GNAO1: variants seen among roughly 807,000 people sequenced by gnomAD.
GNAO1 encodes the protein guanine nucleotide-binding protein G(o) subunit alpha.
For missense variants in GNAO1, 166 were observed against 478.7 expected, an observed-to-expected ratio of 0.35 and a Z score of 6.10; for synonymous variants, 164 against 180.7, an observed-to-expected ratio of 0.91 and a Z score of 0.74.
Position 56,347,952 on chromosome 16 carries a change from GCACCCCCCTCCC to G in GNAO1, c.724-3430_724-3419del, listed in dbSNP as rs1211525652. 5.5e-6 allele frequency: 5 copies of G among 903,628 alleles called. No individual in the cohort carries two copies. In the African/African-American group the frequency reaches 9.0e-5, roughly 16 times the overall value. 56.0% of individuals were successfully genotyped at this position (903,628 alleles called of 1,614,324 possible). On this transcript the variant is annotated intron_variant, in intron 6 of 8. Coordinates refer to ENST00000262493, the MANE Select transcript of GNAO1 (RefSeq NM_020988.3). ...TGCTGAGTATCTTCTTCCTCCCCAC[GCACCCCCCTCCC>G]CCATCTAGGCGAGGTGGGCTCGGGC...
chr16:56,324,996 A>C (rs1168560779), intron 3 of GNAO1, among the ~76,000 whole-genome samples: 5 of 152,240 alleles, frequency 3.3e-5, no homozygotes, highest in Non-Finnish European at 7.3e-5. Flanking sequence ...GTTGGCGACA[A>C]AACTTCCAGA....
chr16:56,295,785 C>T (rs905076914), intron 3 of GNAO1, among the ~76,000 whole-genome samples: 1 of 152,374 alleles, frequency 6.6e-6, no homozygotes, highest in South Asian at 2.1e-4. Context: ...ATATTCCACC[C>T]TGTTTGCCGC....
intron 2 of GNAO1, among the ~76,000 whole-genome samples, chr16:56,201,784 T>C (rs1482413613): frequency 6.6e-6 from 1 of 152,192 alleles, no homozygotes; most frequent in Non-Finnish European, 1.5e-5. Flanking sequence ...TGGTTTGGGC[T>C]ACTGGTGGAT....
chr16:56,343,025 G>A (rs1217011299), intron 6 of GNAO1, among the ~76,000 whole-genome samples: 1 of 151,814 alleles, frequency 6.6e-6, no homozygotes, highest in East Asian at 1.9e-4. Flanking sequence ...TTGAACCTGG[G>A]AGTCGGAGGT....
intron 2 of GNAO1, among the ~76,000 whole-genome samples, chr16:56,275,465 G>C (rs2037053477): frequency 6.6e-6 from 1 of 152,192 alleles, no homozygotes; most frequent in Non-Finnish European, 1.5e-5. Flanking sequence ...TTTGTCTTAA[G>C]TGAATCATTT....
At chr16:56,230,016 CA>C (rs2036573476) in intron 2 of GNAO1, among the ~76,000 whole-genome samples, 2 of 152,058 alleles carry the variant, frequency 1.3e-5, no homozygotes, top group African/African-American at 4.8e-5. Flanking sequence ...TTTAAAAATC[CA>C]TGTGAATTTC....
intron 3 of GNAO1, among the ~76,000 whole-genome samples, chr16:56,285,653 G>A (rs758802785): frequency 3.9e-5 from 6 of 152,244 alleles, no homozygotes; most frequent in Admixed American, 6.5e-5. Context: ...TCACAAAATC[G>A]TGTTGTATTT....
intron 6 of GNAO1, chr16:56,344,029 C>G (rs925814714): frequency 3.9e-5 from 61 of 1,573,620 alleles, no homozygotes; most frequent in Admixed American, 5.2e-5. Flanking sequence ...CCACCACTCT[C>G]AGACCACTCT....
chr16:56,306,510 C>A (rs1372313266), intron 3 of GNAO1, among the ~76,000 whole-genome samples: 1 of 152,190 alleles, frequency 6.6e-6, no homozygotes, highest in East Asian at 1.9e-4. Flanking sequence ...GTCCCCAAGA[C>A]CCCTGAGATC....
intron 2 of GNAO1, among the ~76,000 whole-genome samples, chr16:56,243,876 T>C (rs1443378638): frequency 2.0e-5 from 3 of 152,230 alleles, no homozygotes; most frequent in Admixed American, 1.3e-4. Flanking sequence ...TTACGTGCAT[T>C]AACTCATTTG....
At chr16:56,246,548 C>A (rs116987154) in intron 2 of GNAO1, among the ~76,000 whole-genome samples, 2,635 of 152,314 alleles carry the variant, frequency 0.017, 48 homozygotes, top group South Asian at 0.053. Context: ...GTAAACTTCG[C>A]AGCTGCAGCC....
chr16:56,247,282 C>G (rs1280275557), intron 2 of GNAO1, among the ~76,000 whole-genome samples: 1 of 152,172 alleles, frequency 6.6e-6, no homozygotes, highest in Non-Finnish European at 1.5e-5. Context: ...CCTGGAATAA[C>G]CCCACCCACA....
At chr16:56,292,732 G>A (rs1287168485) in intron 3 of GNAO1, among the ~76,000 whole-genome samples, 2 of 152,198 alleles carry the variant, frequency 1.3e-5, no homozygotes, top group East Asian at 1.9e-4. Context: ...TGAGCTGCAC[G>A]TTCAGCTCTG....
At chr16:56,303,071 G>A (rs1351161886) in intron 3 of GNAO1, among the ~76,000 whole-genome samples, 2 of 152,162 alleles carry the variant, frequency 1.3e-5, no homozygotes, top group African/African-American at 2.4e-5. Context: ...CCTGAAACGG[G>A]ACCTCCACGC....
chr16:56,194,478 C>T, intron 2 of GNAO1: 1 of 340,470 alleles, frequency 2.9e-6, no homozygotes, highest in Non-Finnish European at 5.8e-6. Flanking sequence ...TCAGGCGTTG[C>T]AAGTGGTGGA....
At chr16:56,339,501 G>T (rs1160208268) in intron 6 of GNAO1, among the ~76,000 whole-genome samples, 4 of 152,250 alleles carry the variant, frequency 2.6e-5, no homozygotes, top group Non-Finnish European at 5.9e-5. Context: ...TCAGGCCTTG[G>T]TCCTCAGCCA....
intron 2 of GNAO1, among the ~76,000 whole-genome samples, chr16:56,197,546 G>A (rs1386365721): frequency 1.3e-5 from 2 of 152,200 alleles, no homozygotes; most frequent in Admixed American, 6.5e-5. Flanking sequence ...TCTTGAGCCT[G>A]GGTTACCTAT....
chr16:56,220,544 G>GA (rs1332576591), intron 2 of GNAO1, among the ~76,000 whole-genome samples: 1 of 152,064 alleles, frequency 6.6e-6, no homozygotes, highest in Non-Finnish European at 1.5e-5. Flanking sequence ...AATTTCCTTA[G>GA]AAAAATGCTC....
intron 2 of GNAO1, among the ~76,000 whole-genome samples, chr16:56,206,297 G>A (rs1255682492): frequency 6.7e-6 from 1 of 149,616 alleles, no homozygotes; most frequent in Non-Finnish European, 1.5e-5. Flanking sequence ...TCCAGCCTGG[G>A]CGACAGCGTG....
Sources: gnomAD v4.1 joint callset for allele counts (sites outside exome capture counted in the v4.1 genomes callset) on GRCh38, gnomAD v4.1.1 for gene constraint, MANE v1.5 for transcripts, NCBI Gene and HGNC (gene_info 2026-07-23, HGNC 2026-07-21) for gene names.